The following LIN54 variants were observed in gnomAD, a reference collection of about 807,000 sequenced individuals.
LIN54 encodes the protein lin-54 DREAM MuvB core complex component, also known as protein lin-54 homolog.
LIN54 carries 9 observed loss-of-function variants against 78.7 expected under a neutral mutation model. That is an observed-to-expected ratio of 0.11 (90% CI 0.07 to 0.20). LIN54 has a LOEUF of 0.20. Among genes scored for constraint, LIN54 ranks in the 10% least tolerant of loss-of-function variants. The pLI is 1.00. For missense variants in LIN54, 573 were observed against 889.9 expected (o/e 0.64, Z 4.53); for synonymous variants, 269 against 318.4 (o/e 0.84, Z 1.65).
At chr4:82,953,901 C>T (rs1724061829) in intron 4 of LIN54, among the ~76,000 whole-genome samples, 1 of 152,020 alleles carries the variant, frequency 6.6e-6, no homozygotes, top group Non-Finnish European at 1.5e-5. Flanking sequence ...GATCGCACCA[C>T]TGCACTCCAG....
At chr4:82,995,378 T>C (rs1444119691) in intron 1 of LIN54, among the ~76,000 whole-genome samples, 1 of 151,578 alleles carries the variant, frequency 6.6e-6, no homozygotes, top group African/African-American at 2.4e-5. Flanking sequence ...AAAGGTCTGA[T>C]TGGTTTGGCC....
At chr4:82,977,363 T>G (rs1289716713) in intron 3 of LIN54, among the ~76,000 whole-genome samples, 2 of 152,142 alleles carry the variant, frequency 1.3e-5, no homozygotes, top group African/African-American at 4.8e-5. Context: ...CCCAAACCCT[T>G]TCCAGTATTT....
chr4:82,930,801 T>G (rs1228526861), intron 12 of LIN54, 142 bp downstream of exon 12: 1 of 706,990 alleles, frequency 1.4e-6, no homozygotes, highest in African/African-American at 1.8e-5. Context: ...TTAAATTCCT[T>G]TACAAGTAAC....
At chr4:82,997,085 A>G (rs990395304) in intron 1 of LIN54, among the ~76,000 whole-genome samples, 1 of 152,092 alleles carries the variant, frequency 6.6e-6, no homozygotes, top group East Asian at 1.9e-4. Context: ...CTTCATCACT[A>G]CTGAACCCCC....
intron 2 of LIN54, among the ~76,000 whole-genome samples, chr4:82,983,570 G>A (rs569984197): frequency 9.1e-4 from 138 of 152,272 alleles, no homozygotes; most frequent in Non-Finnish European, 1.6e-3. Flanking sequence ...TAACTGGTAG[G>A]ATAAGATAGA....
chr4:82,981,556 T>C (rs1726640861), intron 2 of LIN54, among the ~76,000 whole-genome samples: 1 of 152,154 alleles, frequency 6.6e-6, no homozygotes, highest in Non-Finnish European at 1.5e-5. Flanking sequence ...GGAAAAAATA[T>C]AGATGCATAG....
intron 4 of LIN54, among the ~76,000 whole-genome samples, chr4:82,962,821 A>G (rs1162611298): frequency 6.6e-6 from 1 of 151,944 alleles, no homozygotes; most frequent in African/African-American, 2.4e-5. Flanking sequence ...AGGGAGAAAA[A>G]CAATTGAGCA....
intron 4 of LIN54, 24 bp downstream of exon 4, chr4:82,970,303 T>C: frequency 6.2e-7 from 1 of 1,600,062 alleles, no homozygotes; most frequent in Non-Finnish European, 8.5e-7. Context: ...ATATTTGGTA[T>C]TTGTGGCTAA....
chr4:82,979,143 A>T, intron 2 of LIN54, 137 bp from the exon 3 acceptor site: 1 of 503,118 alleles, frequency 2.0e-6, no homozygotes, highest in Non-Finnish European at 3.4e-6. Context: ...TGTTAATGTT[A>T]AGAACATTTA....
rs1166983642 is a variant in LIN54, at chr4:82,973,812, T to C, written c.809-3343A>G. 3.3e-5 allele frequency among the ~76,000 whole-genome samples: 5 copies of C among 152,332 alleles called. No homozygotes were observed. The South Asian group carries it at 6.2e-4, about 19-fold the overall frequency. ...ATAGAGAAAATCAACAGAAGACCCATGACTGAAAACCCAAGTTTCCCAATA... is the reference window on the plus strand; with the variant it reads ...ATAGAGAAAATCAACAGAAGACCCACGACTGAAAACCCAAGTTTCCCAATA... On this transcript the variant is annotated intron_variant, in intron 3 of 12. Coordinates refer to ENST00000340417, the MANE Select transcript of LIN54 (RefSeq NM_194282.4).
chr4:82,970,302 A>T, intron 4 of LIN54, 25 bp downstream of exon 4: 1 of 1,598,408 alleles, frequency 6.3e-7, no homozygotes, highest in South Asian at 1.1e-5. Context: ...AATATTTGGT[A>T]TTTGTGGCTA....
chr4:82,964,067 T>C (rs75117685), intron 4 of LIN54, among the ~76,000 whole-genome samples: 1 of 152,046 alleles, frequency 6.6e-6, no homozygotes, highest in African/African-American at 2.4e-5. Flanking sequence ...TTTTTTTTTT[T>C]TGAGACGGAG....
intron 4 of LIN54, among the ~76,000 whole-genome samples, chr4:82,966,454 TAAA>T (rs746980272): frequency 2.3e-5 from 3 of 130,806 alleles, no homozygotes; most frequent in Non-Finnish European, 1.6e-5. Context: ...TACCTCCTAT[TAAA>T]AAAAAAAAAA....
intron 1 of LIN54, among the ~76,000 whole-genome samples, chr4:82,999,854 A>G (rs1728604350): frequency 6.6e-6 from 1 of 151,718 alleles, no homozygotes; most frequent in Non-Finnish European, 1.5e-5. Context: ...GCCATTAAGA[A>G]AATCATTGAG....
chr4:82,949,948 C>T (rs563558562), intron 4 of LIN54, among the ~76,000 whole-genome samples: 3 of 145,710 alleles, frequency 2.1e-5, no homozygotes, highest in South Asian at 2.2e-4. Flanking sequence ...CAGGTTCAAG[C>T]GATTCTCCTA....
chr4:82,965,540 G>T (rs529264338), intron 4 of LIN54, among the ~76,000 whole-genome samples: 75 of 152,268 alleles, frequency 4.9e-4, no homozygotes, highest in African/African-American at 1.6e-3. Flanking sequence ...GGTGAAGCAG[G>T]GTCCTCAGGG....
At chr4:82,947,229 A>ATTTTTTTTTT (rs1263368630) in intron 4 of LIN54, among the ~76,000 whole-genome samples, 1 of 20,662 alleles carries the variant, frequency 4.8e-5, no homozygotes, top group African/African-American at 1.7e-4. Context: ...ATATATATAT[A>ATTTTTTTTTT]TATATATTTT....
At chr4:82,993,302 C>T (rs1226935090) in intron 1 of LIN54, among the ~76,000 whole-genome samples, 11 of 150,560 alleles carry the variant, frequency 7.3e-5, no homozygotes, top group Non-Finnish European at 1.2e-4. Flanking sequence ...CTGCAACCTC[C>T]GCCACCTGGG....
At chr4:82,977,202 C>T (rs1171971893) in intron 3 of LIN54, among the ~76,000 whole-genome samples, 1 of 152,130 alleles carries the variant, frequency 6.6e-6, no homozygotes, top group African/African-American at 2.4e-5. Flanking sequence ...AGACTCAAAA[C>T]AGTAAAGAAC....
Sources: allele counts gnomAD v4.1 joint callset (sites outside exome capture counted in the v4.1 genomes callset), GRCh38; gene constraint gnomAD v4.1.1; transcripts MANE v1.5; gene names NCBI Gene and HGNC (gene_info 2026-07-23, HGNC 2026-07-21).